The following GRIN2B variants were observed in gnomAD, a reference collection of about 807,000 sequenced individuals.
GRIN2B encodes glutamate receptor ionotropic, NMDA 2B.
A neutral mutation model predicts 114.5 loss-of-function variants in GRIN2B; 5 were observed. The observed-to-expected ratio is 0.04, with a 90% CI of 0.02 to 0.09. The LOEUF is 0.09. GRIN2B is among the 10% of genes least tolerant of loss of function. The pLI, the probability that GRIN2B is intolerant of heterozygous loss-of-function variation, is 1.00. For missense variants in GRIN2B, 1,108 were observed against 1,943.5 expected (o/e 0.57, Z 8.08); for synonymous variants, 787 against 745.1 (o/e 1.06, Z -0.92).
chr12:13,745,017 A>G (rs543797278), intron 4 of GRIN2B, among the ~76,000 whole-genome samples: 2 of 152,270 alleles, frequency 1.3e-5, no homozygotes, highest in East Asian at 1.9e-4. Context: ...TCTCCAGGAC[A>G]TGACCACCTA....
chr12:13,963,857 G>A (rs1395596331), intron 2 of GRIN2B, among the ~76,000 whole-genome samples: 3 of 152,196 alleles, frequency 2.0e-5, no homozygotes, highest in Non-Finnish European at 4.4e-5. Context: ...CCAGGACTCA[G>A]CTGTCCTTGT....
At chr12:13,690,375 A>T (rs11055585) in intron 4 of GRIN2B, among the ~76,000 whole-genome samples, 153 of 12,770 alleles carry the variant, frequency 0.012, 1 homozygote, top group African/African-American at 0.018. Context: ...TCTCTCTCTC[A>T]CACACACACA....
intron 4 of GRIN2B, among the ~76,000 whole-genome samples, chr12:13,705,893 AG>A (rs1012962068): frequency 6.6e-6 from 1 of 152,134 alleles, no homozygotes; most frequent in Non-Finnish European, 1.5e-5. Flanking sequence ...ACATTAATGA[AG>A]GGTTGTTATT....
intron 3 of GRIN2B, among the ~76,000 whole-genome samples, chr12:13,784,223 CAAAAAAAAAAAAA>C (rs56197649): frequency 4.0e-4 from 29 of 71,902 alleles, no homozygotes; most frequent in Middle Eastern, 8.5e-3. Flanking sequence ...GACTTCGCCT[CAAAAAAAAAAAAA>C]AAAAAAAAAA....
intron 4 of GRIN2B, among the ~76,000 whole-genome samples, chr12:13,698,617 A>G (rs1199927781): frequency 1.3e-5 from 2 of 152,218 alleles, no homozygotes; most frequent in African/African-American, 4.8e-5. Context: ...TACAGAAAAA[A>G]TATATTTTAA....
chr12:13,741,183 C>T (rs1322434564), intron 4 of GRIN2B, among the ~76,000 whole-genome samples: 6 of 152,148 alleles, frequency 3.9e-5, no homozygotes, highest in African/African-American at 1.4e-4. Context: ...GCATCCGCCA[C>T]CACGCCCGGC....
intron 5 of GRIN2B, among the ~76,000 whole-genome samples, chr12:13,636,511 C>T (rs1235509074): frequency 2.6e-5 from 4 of 152,104 alleles, no homozygotes; most frequent in East Asian, 1.9e-4. Context: ...GTGATGGGGA[C>T]GTGACTGTGA....
intron 10 of GRIN2B, among the ~76,000 whole-genome samples, chr12:13,594,768 G>A (rs1422059764): frequency 2.0e-5 from 3 of 152,062 alleles, no homozygotes; most frequent in Non-Finnish European, 4.4e-5. Context: ...GTAACCTGGG[G>A]AAACTCATCT....
At chr12:13,851,832 A>G (rs1259448530) in intron 3 of GRIN2B, among the ~76,000 whole-genome samples, 1 of 151,770 alleles carries the variant, frequency 6.6e-6, no homozygotes, top group Non-Finnish European at 1.5e-5. Flanking sequence ...AAAGGCAAAG[A>G]GGTTGGAAGG....
At chr12:13,798,825 C>T (rs893707383) in intron 3 of GRIN2B, among the ~76,000 whole-genome samples, 2 of 152,234 alleles carry the variant, frequency 1.3e-5, no homozygotes, top group Non-Finnish European at 2.9e-5. Context: ...AACATGTCCT[C>T]ATGACGATCT....
intron 4 of GRIN2B, among the ~76,000 whole-genome samples, chr12:13,685,265 C>T (rs1950167047): frequency 6.6e-6 from 1 of 152,194 alleles, no homozygotes; most frequent in Admixed American, 6.5e-5. Context: ...AGTTCCTGCC[C>T]CATCTGTAGC....
chr12:13,623,373 G>A (rs1432451719), intron 5 of GRIN2B, among the ~76,000 whole-genome samples: 1 of 152,218 alleles, frequency 6.6e-6, no homozygotes, highest in Non-Finnish European at 1.5e-5. Flanking sequence ...TCTCAATGGT[G>A]CCAGAATACA....
In GRIN2B at chr12:13,549,927, C is replaced by T. The variant is rs999301373; in HGVS notation, c.*12856G>A. The T allele has an allele frequency of 1.3e-5, 2 of 152,062 alleles. No homozygotes were observed. The highest frequency in any genetic ancestry group is 4.8e-5 in the African/African-American group (2 of 41,396). 9.4% of individuals were successfully genotyped at this position (152,062 alleles called of 1,614,324 possible). On this transcript the variant is annotated 3_prime_UTR_variant, in exon 14 of 14. Coordinates refer to ENST00000609686, the MANE Select transcript of GRIN2B (RefSeq NM_000834.5). Reference sequence around the variant, plus strand: ...CTGGCTAAATCAGCTGCCTAGATTTCGTGACTTTTCTCCACTGCTAGATGC... The same window carrying T: ...CTGGCTAAATCAGCTGCCTAGATTTTGTGACTTTTCTCCACTGCTAGATGC...
At chr12:13,680,792 T>G (rs568658232) in intron 4 of GRIN2B, among the ~76,000 whole-genome samples, 2 of 152,230 alleles carry the variant, frequency 1.3e-5, no homozygotes, top group South Asian at 4.2e-4. Context: ...ATGTGCATTT[T>G]AGCATTCTTG....
intron 4 of GRIN2B, among the ~76,000 whole-genome samples, chr12:13,732,510 G>A (rs1863101250): frequency 6.6e-6 from 1 of 152,160 alleles, no homozygotes; most frequent in Non-Finnish European, 1.5e-5. Flanking sequence ...CCTCCAAGAT[G>A]TATCAAGGCT....
intron 4 of GRIN2B, among the ~76,000 whole-genome samples, chr12:13,728,595 A>G (rs1863032381): frequency 6.6e-6 from 1 of 152,148 alleles, no homozygotes; most frequent in South Asian, 2.1e-4. Context: ...GGAGATGGCA[A>G]TTCACACCCT....
chr12:13,862,856 A>T (rs1483340027), intron 3 of GRIN2B, among the ~76,000 whole-genome samples: 3 of 152,172 alleles, frequency 2.0e-5, no homozygotes, highest in Non-Finnish European at 4.4e-5. Context: ...CTCTCCAGGT[A>T]GCTCCTGCCA....
intron 2 of GRIN2B, among the ~76,000 whole-genome samples, chr12:13,961,276 G>A (rs2136861702): frequency 6.6e-6 from 1 of 152,224 alleles, no homozygotes; most frequent in African/African-American, 2.4e-5. Flanking sequence ...ATTCCACACT[G>A]AGAGGTAAGG....
intron 3 of GRIN2B, among the ~76,000 whole-genome samples, chr12:13,808,454 T>C (rs528349100): frequency 6.6e-6 from 1 of 152,180 alleles, no homozygotes; most frequent in East Asian, 1.9e-4. Flanking sequence ...CTGAGAGGCC[T>C]TGCAATAGTT....
Sources: allele counts gnomAD v4.1 joint callset (sites outside exome capture counted in the v4.1 genomes callset), GRCh38; gene constraint gnomAD v4.1.1; transcripts MANE v1.5; gene names NCBI Gene and HGNC (gene_info 2026-07-23, HGNC 2026-07-21).